TRNAU1AP: variants seen among roughly 807,000 people sequenced by gnomAD.
The protein encoded by TRNAU1AP is tRNA selenocysteine 1-associated protein 1.
A neutral mutation model predicts 43.3 loss-of-function variants in TRNAU1AP; 33 were observed. The ratio of observed to expected loss-of-function variants is 0.76; its 90% confidence interval spans 0.58 to 1.02. TRNAU1AP has a LOEUF of 1.02. Among genes scored for constraint, TRNAU1AP ranks in the 50% least tolerant of loss-of-function variants. The probability of loss-of-function intolerance (pLI) is 0.00; values close to 1 mark genes in which losing one functional copy is unlikely to be tolerated. For synonymous variants in TRNAU1AP, 143 were observed against 129.1 expected, an observed-to-expected ratio of 1.11 and a Z score of -0.73; for missense variants, 290 against 362.7, an observed-to-expected ratio of 0.80 and a Z score of 1.63.
At chr1:28,562,934 T>C (rs1038637739) in intron 4 of TRNAU1AP, among the ~76,000 whole-genome samples, 2 of 150,274 alleles carry the variant, frequency 1.3e-5, no homozygotes, top group African/African-American at 4.9e-5. Context: ...CTCACTCTGT[T>C]GCCCAAGCTG....
chr1:28,561,176 G>T, intron 3 of TRNAU1AP, 170 bp from the exon 4 acceptor site: 1 of 1,440,032 alleles, frequency 6.9e-7, no homozygotes, highest in Non-Finnish European at 9.1e-7. Flanking sequence ...AGCTGGCAGT[G>T]CCCTTAGCGG....
At chr1:28,560,814 T>TA in intron 3 of TRNAU1AP, 82 bp downstream of exon 3, 1 of 1,172,108 alleles carries the variant, frequency 8.5e-7, no homozygotes, top group Non-Finnish European at 1.2e-6. Flanking sequence ...ACTGTATACT[T>TA]ATTTTATTTA....
At chr1:28,561,100 G>A in intron 3 of TRNAU1AP, 1 of 1,386,938 alleles carries the variant, frequency 7.2e-7, no homozygotes, top group Admixed American at 3.0e-5. Context: ...GTTGCATTCT[G>A]CTCTTCCCAC....
In TRNAU1AP at chr1:28,571,848, A is replaced by C. The variant is rs1002118707; in HGVS notation, c.694-19A>C. ...GGATTTCACCATGCCCCTAACCCAC[A>C]TCTCTGGTCTCTTGGCAGACATATG... On this transcript the variant is annotated intron_variant, in intron 7 of 8. Coordinates refer to ENST00000373830, the MANE Select transcript of TRNAU1AP (RefSeq NM_017846.5). 1 of 1,598,336 alleles carries C rather than the reference A, an allele frequency of 6.3e-7. No individual in the cohort carries two copies. Among genetic ancestry groups the C allele is most frequent in the Non-Finnish European group, 8.5e-7 (1 of 1,171,776 alleles).
At position 28,554,040 on chromosome 1, in the gene TRNAU1AP, A is replaced by G. The variant is rs1160480124; in HGVS notation, c.125+303A>G. ...TGGTGAAACCCCGTCTCTACTAAAAATACAAAAATTAGCCGGGTGTGGTGG... is the reference window on the plus strand; with the variant it reads ...TGGTGAAACCCCGTCTCTACTAAAAGTACAAAAATTAGCCGGGTGTGGTGG... On this transcript the variant is annotated intron_variant, in intron 2 of 8. Coordinates refer to ENST00000373830, the MANE Select transcript of TRNAU1AP (RefSeq NM_017846.5). 1.4e-5 allele frequency: 3 copies of G among 218,724 alleles called. No individual in the cohort carries two copies. The East Asian group carries it at 3.2e-4, about 23-fold the overall frequency. The allele number at this position is 218,724 out of a possible 1,614,324, so 13.5% of individuals were successfully genotyped here. A position where few individuals can be genotyped will look rare whatever the true frequency, so the allele number is the denominator to read the frequency against.
intron 2 of TRNAU1AP, among the ~76,000 whole-genome samples, chr1:28,560,098 C>T (rs1015018580): frequency 8.6e-5 from 13 of 151,932 alleles, no homozygotes; most frequent in African/African-American, 1.2e-4. Flanking sequence ...AGATGATATC[C>T]GTCTCATAAA....
intron 3 of TRNAU1AP, 24 bp downstream of exon 3, chr1:28,560,756 A>C (rs750687980): frequency 1.3e-6 from 2 of 1,546,914 alleles, no homozygotes; most frequent in Non-Finnish European, 8.9e-7. Flanking sequence ...GATAATGATG[A>C]TGTTGCCATT....
chr1:28,553,684 C>T lies in TRNAU1AP; in HGVS notation c.72C>T (p.Ala24=), dbSNP rs765071191. 2.5e-6 allele frequency: 4 copies of T among 1,614,184 alleles called. No homozygotes were observed. Among genetic ancestry groups the T allele is most frequent in the South Asian group, 2.2e-5 (2 of 91,080 alleles). The change falls in exon 2 of 9, where the codon GCC becomes GCT. Residue 24 remains alanine (A), a synonymous_variant. Transcript: ENST00000373830. Reference sequence around the variant, plus strand: ...AGAACTTCATCTCCAGAGCCTTTGCCACCATGGGGGAGACCGTAATGAGCG... The same window carrying T: ...AGAACTTCATCTCCAGAGCCTTTGCTACCATGGGGGAGACCGTAATGAGCG... ...MDENFISRAF[A]TMGETVMSVK...
intron 2 of TRNAU1AP, among the ~76,000 whole-genome samples, chr1:28,559,200 T>C (rs1453870254): frequency 2.0e-5 from 3 of 151,930 alleles, no homozygotes; most frequent in Non-Finnish European, 4.4e-5. Context: ...GCCTGCCGAG[T>C]AGCTGGAACT....
rs1383235815 is a variant in TRNAU1AP, at chr1:28,553,872, G to T, written c.125+135G>T. The T allele has an allele frequency of 8.9e-6, 7 of 783,812 alleles. No individual in the cohort carries two copies. In the African/African-American group the frequency reaches 1.0e-4, roughly 12 times the overall value. The allele number at this position is 783,812 out of a possible 1,614,324, so 48.6% of individuals were successfully genotyped here. A position where few individuals can be genotyped will look rare whatever the true frequency, so the allele number is the denominator to read the frequency against. ...AAATTATAACAGCTAACATTTTGAG[G>T]TCCCAATGAGTGGAAGGATGGCATG... On this transcript the variant is annotated intron_variant, in intron 2 of 8. Transcript: ENST00000373830.
intron 4 of TRNAU1AP, among the ~76,000 whole-genome samples, chr1:28,563,409 G>A (rs1035771203): frequency 3.7e-4 from 56 of 152,002 alleles, no homozygotes; most frequent in African/African-American, 1.2e-3. Context: ...TTGGCTGGGC[G>A]TGGTGGCTTA....
intron 8 of TRNAU1AP, among the ~76,000 whole-genome samples, chr1:28,576,355 G>T (rs1665780908): frequency 7.1e-6 from 1 of 141,068 alleles, no homozygotes; most frequent in Non-Finnish European, 1.5e-5. Context: ...ATCTTGCTCT[G>T]TTGCCCAGGC....
chr1:28,569,941 C>T (rs1327542821), intron 6 of TRNAU1AP, among the ~76,000 whole-genome samples: 9 of 151,766 alleles, frequency 5.9e-5, no homozygotes, highest in African/African-American at 1.7e-4. Flanking sequence ...GCGGAGGTTG[C>T]AGTGAGCCGA....
chr1:28,559,251 CTT>C (rs1317546560), intron 2 of TRNAU1AP, among the ~76,000 whole-genome samples: 7 of 151,908 alleles, frequency 4.6e-5, no homozygotes, highest in Non-Finnish European at 8.8e-5. Context: ...TTTTGAGTCT[CTT>C]TTAATGTATA....
At chr1:28,571,930 A>G in intron 8 of TRNAU1AP, 30 bp downstream of exon 8, 3 of 1,599,322 alleles carry the variant, frequency 1.9e-6, no homozygotes, top group Non-Finnish European at 2.6e-6. Flanking sequence ...TTACTCTGTC[A>G]GCCATTATCA....
intron 4 of TRNAU1AP, among the ~76,000 whole-genome samples, 189 bp downstream of exon 4, chr1:28,561,587 C>T (rs982485558): frequency 1.3e-5 from 2 of 152,204 alleles, no homozygotes; most frequent in Non-Finnish European, 2.9e-5. Flanking sequence ...TATTTGGTCC[C>T]TGCCCCTGGC....
rs1218483803 is a variant in TRNAU1AP, at chr1:28,567,257, A to G, written c.411-37A>G. 7.5e-6 allele frequency: 12 copies of G among 1,606,234 alleles called. No homozygotes were observed. The Admixed American group carries it at 1.6e-4, about 21-fold the overall frequency. On this transcript the variant is annotated intron_variant, in intron 5 of 8. Transcript: ENST00000373830. ...ATGTGTCCATTCTTAGACTTTAATC[A>G]CATTTGTGATCTAAATTGTATATTT...
chr1:28,565,702 G>T (rs1348570966), intron 5 of TRNAU1AP: 1 of 151,768 alleles, frequency 6.6e-6, no homozygotes, highest in African/African-American at 2.4e-5. Context: ...AGGCAGAATT[G>T]CTTGAATCCG....
chr1:28,560,908 C>A, intron 3 of TRNAU1AP, 176 bp downstream of exon 3: 1 of 864,012 alleles, frequency 1.2e-6, no homozygotes, highest in Non-Finnish European at 1.7e-6. Flanking sequence ...ATAACTTGTC[C>A]AAGGCAACAC....
Sources: gnomAD v4.1 joint callset for allele counts (sites outside exome capture counted in the v4.1 genomes callset) on GRCh38, gnomAD v4.1.1 for gene constraint, MANE v1.5 for transcripts, NCBI Gene and HGNC (gene_info 2026-07-23, HGNC 2026-07-21) for gene names.